NLGN1: variants seen among roughly 807,000 people sequenced by gnomAD.
NLGN1 encodes neuroligin 1.
In NLGN1, 12 loss-of-function variants were observed where a neutral mutation model predicts 65.5. The observed-to-expected ratio is 0.18, with a 90% confidence interval of 0.12 to 0.30. The LOEUF is 0.30. NLGN1 is among the 10% of genes least tolerant of loss of function. NLGN1 has a pLI of 1.00. For synonymous variants in NLGN1, 350 were observed against 359.5 expected, an observed-to-expected ratio of 0.97 and a Z score of 0.30; for missense variants, 750 against 1,007.1, an observed-to-expected ratio of 0.74 and a Z score of 3.46.
intron 4 of NLGN1, among the ~76,000 whole-genome samples, chr3:174,234,157 A>G (rs1741225740): frequency 6.6e-6 from 1 of 152,102 alleles, no homozygotes; most frequent in Non-Finnish European, 1.5e-5. Context: ...AAACTGAGGC[A>G]AGTTTTAGAG....
At chr3:174,115,705 C>T (rs1716246414) in intron 4 of NLGN1, among the ~76,000 whole-genome samples, 1 of 152,148 alleles carries the variant, frequency 6.6e-6, no homozygotes, top group Admixed American at 6.5e-5. Context: ...TGGGGATACT[C>T]TTACATCCAG....
chr3:173,584,031 G>A (rs1285156470), intron 2 of NLGN1, among the ~76,000 whole-genome samples: 1 of 151,234 alleles, frequency 6.6e-6, no homozygotes, highest in African/African-American at 2.4e-5. Context: ...CCTCAAATTG[G>A]CATTTTAGCT....
At chr3:173,816,647 G>A (rs1719092145) in intron 4 of NLGN1, among the ~76,000 whole-genome samples, 1 of 152,256 alleles carries the variant, frequency 6.6e-6, no homozygotes, top group South Asian at 2.1e-4. Flanking sequence ...GCCTTGTCTG[G>A]CAAAAGCCCT....
intron 4 of NLGN1, among the ~76,000 whole-genome samples, chr3:174,004,470 A>T (rs1466077272): frequency 6.6e-6 from 1 of 152,108 alleles, no homozygotes; most frequent in Non-Finnish European, 1.5e-5. Context: ...CAAATTTTAT[A>T]TATCTTTTTT....
At chr3:174,006,301 A>T (rs1724382893) in intron 4 of NLGN1, among the ~76,000 whole-genome samples, 4 of 152,190 alleles carry the variant, frequency 2.6e-5, no homozygotes, top group Admixed American at 2.6e-4. Flanking sequence ...ATCAGTATAT[A>T]GTCATTGATC....
intron 4 of NLGN1, among the ~76,000 whole-genome samples, chr3:173,926,975 G>A (rs1310437705): frequency 1.3e-5 from 2 of 152,112 alleles, no homozygotes; most frequent in Non-Finnish European, 2.9e-5. Flanking sequence ...TTATCCAGAT[G>A]TGGCAAATGA....
At chr3:173,566,541 C>T (rs1033570781) in intron 2 of NLGN1, among the ~76,000 whole-genome samples, 4 of 152,064 alleles carry the variant, frequency 2.6e-5, no homozygotes, top group East Asian at 1.9e-4. Flanking sequence ...GAAATATTCT[C>T]GCTCTCTGCC....
chr3:174,099,973 C>T (rs534796350), intron 4 of NLGN1, among the ~76,000 whole-genome samples: 23 of 152,182 alleles, frequency 1.5e-4, no homozygotes, highest in Non-Finnish European at 2.5e-4. Context: ...TCTTTAAAGA[C>T]GTGCCTGAGA....
At chr3:173,414,144 C>A (rs576507049) in intron 1 of NLGN1, among the ~76,000 whole-genome samples, 5 of 152,092 alleles carry the variant, frequency 3.3e-5, no homozygotes, top group Admixed American at 2.0e-4. Flanking sequence ...TGTCTGGTAC[C>A]GAAAAAGATC....
intron 3 of NLGN1, among the ~76,000 whole-genome samples, chr3:173,643,659 T>C (rs1368450472): frequency 6.6e-6 from 1 of 152,160 alleles, no homozygotes; most frequent in Non-Finnish European, 1.5e-5. Flanking sequence ...GTTACTGAGC[T>C]TTATTTGGGC....
intron 1 of NLGN1, among the ~76,000 whole-genome samples, chr3:173,418,022 A>G (rs1336076295): frequency 1.3e-5 from 2 of 151,540 alleles, no homozygotes; most frequent in Non-Finnish European, 3.0e-5. Context: ...CCTTTTATTC[A>G]TCCATTCTCT....
intron 3 of NLGN1, among the ~76,000 whole-genome samples, chr3:173,710,631 G>A (rs1207442682): frequency 6.6e-6 from 1 of 152,092 alleles, no homozygotes; most frequent in African/African-American, 2.4e-5. Flanking sequence ...TGATAGCATG[G>A]GTTTTGTTAA....
intron 2 of NLGN1, among the ~76,000 whole-genome samples, chr3:173,458,217 T>A (rs1289257103): frequency 6.6e-6 from 1 of 152,092 alleles, no homozygotes; most frequent in Non-Finnish European, 1.5e-5. Flanking sequence ...AAATCACTGC[T>A]GTTTATGTCA....
At chr3:173,653,295 A>G (rs1470374392) in intron 3 of NLGN1, among the ~76,000 whole-genome samples, 3 of 152,172 alleles carry the variant, frequency 2.0e-5, no homozygotes, top group African/African-American at 4.8e-5. Flanking sequence ...GGACTGGTGT[A>G]ATTGTAAAAT....
chr3:173,591,869 G>A (rs1748549918), intron 2 of NLGN1, among the ~76,000 whole-genome samples: 1 of 152,106 alleles, frequency 6.6e-6, no homozygotes, highest in Non-Finnish European at 1.5e-5. Flanking sequence ...GTTGCTTCTG[G>A]AAGCAATGAC....
intron 4 of NLGN1, among the ~76,000 whole-genome samples, chr3:173,917,477 A>T (rs572557915): frequency 1.3e-5 from 2 of 152,312 alleles, no homozygotes; most frequent in African/African-American, 4.8e-5. Flanking sequence ...ATTTTGCCTA[A>T]ATTTTTAATA....
At chr3:173,693,319 A>G (rs1172816449) in intron 3 of NLGN1, among the ~76,000 whole-genome samples, 1 of 152,120 alleles carries the variant, frequency 6.6e-6, no homozygotes, top group African/African-American at 2.4e-5. Flanking sequence ...TTACTTACCA[A>G]CTATGGAAAG....
At chr3:174,284,412 A>G (rs959906491) in exon 7 of NLGN1, 1 of 151,454 alleles carries the variant, frequency 6.6e-6, no homozygotes, top group African/African-American at 2.4e-5. Context: ...TTATTTAGAT[A>G]ATTTTCTTTG....
intron 3 of NLGN1, among the ~76,000 whole-genome samples, chr3:173,632,469 T>G (rs969872018): frequency 1.3e-5 from 2 of 152,280 alleles, no homozygotes; most frequent in Non-Finnish European, 2.9e-5. Context: ...GGAGTTTATT[T>G]TATGTGAAGC....
Sources: allele counts gnomAD v4.1 joint callset (sites outside exome capture counted in the v4.1 genomes callset), GRCh38; gene constraint gnomAD v4.1.1; transcripts MANE v1.5; gene names NCBI Gene and HGNC (gene_info 2026-07-23, HGNC 2026-07-21).